MAF: variants seen among roughly 807,000 people sequenced by gnomAD.
MAF encodes MAF bZIP transcription factor.
A neutral mutation model predicts 22.0 loss-of-function variants in MAF; 10 were observed. That is an observed-to-expected ratio of 0.45 (90% CI 0.28 to 0.77). The LOEUF is 0.77. MAF is among the 30% of genes least tolerant of loss of function. The pLI is 0.12. For missense variants in MAF, 544 were observed against 548.4 expected, an observed-to-expected ratio of 0.99 and a Z score of 0.08; for synonymous variants, 337 against 255.8, an observed-to-expected ratio of 1.32 and a Z score of -3.03.
At chr16:79,343,483 T>C in the MAF span, among the ~76,000 whole-genome samples, 1 of 152,192 alleles carries the variant, frequency 6.6e-6, no homozygotes, top group South Asian at 2.1e-4. Flanking sequence ...CACAAAAAAT[T>C]ATACACACCA....
At chr16:79,523,204 T>C in the MAF span, among the ~76,000 whole-genome samples, 2 of 152,198 alleles carry the variant, frequency 1.3e-5, no homozygotes, top group African/African-American at 4.8e-5. Context: ...CAAAGGGGCA[T>C]CTGTTTGACT....
the MAF span, among the ~76,000 whole-genome samples, chr16:79,279,929 T>C: frequency 6.6e-6 from 1 of 152,188 alleles, no homozygotes; most frequent in Non-Finnish European, 1.5e-5. Context: ...ATGTTATAAA[T>C]ACGGGGCTTG....
the MAF span, among the ~76,000 whole-genome samples, chr16:79,391,860 A>G: frequency 1.4e-5 from 2 of 144,800 alleles, no homozygotes; most frequent in Non-Finnish European, 1.5e-5. Flanking sequence ...GAGAGAGAAG[A>G]AGGAGGAGGA....
At chr16:79,587,266 A>C (rs937118340) in intron 1 of MAF, among the ~76,000 whole-genome samples, 2 of 151,316 alleles carry the variant, frequency 1.3e-5, no homozygotes, top group Non-Finnish European at 3.0e-5. Context: ...ATTAGTATAC[A>C]TTTTTTTTTG....
the MAF span, among the ~76,000 whole-genome samples, chr16:79,259,812 C>G: frequency 6.2e-4 from 95 of 152,158 alleles, no homozygotes; most frequent in African/African-American, 2.2e-3. Context: ...GCAGGAATGG[C>G]CCAATGTACC....
chr16:79,561,860 T>A, the MAF span, among the ~76,000 whole-genome samples: 1 of 152,180 alleles, frequency 6.6e-6, no homozygotes, highest in Non-Finnish European at 1.5e-5. Context: ...CAAGAGTAAC[T>A]ATTTGCCTTC....
chr16:79,483,523 A>G, the MAF span, among the ~76,000 whole-genome samples: 1 of 151,590 alleles, frequency 6.6e-6, no homozygotes, highest in African/African-American at 2.4e-5. Context: ...GCTAAGAGGA[A>G]GAGGTGCACG....
chr16:79,378,799 T>G, the MAF span, among the ~76,000 whole-genome samples: 3 of 152,346 alleles, frequency 2.0e-5, no homozygotes, highest in African/African-American at 7.2e-5. Context: ...GCATTTAGAT[T>G]ACTGTTATTG....
At chr16:79,329,499 T>C in the MAF span, among the ~76,000 whole-genome samples, 1 of 152,152 alleles carries the variant, frequency 6.6e-6, no homozygotes, top group Non-Finnish European at 1.5e-5. Flanking sequence ...AATTGTTGCA[T>C]TGTAATCTGC....
the MAF span, among the ~76,000 whole-genome samples, chr16:79,383,450 T>C: frequency 2.6e-4 from 39 of 152,174 alleles, no homozygotes; most frequent in African/African-American, 8.9e-4. Context: ...TATATGATGG[T>C]AAACTTTATA....
the MAF span, among the ~76,000 whole-genome samples, chr16:79,512,889 T>C: frequency 6.6e-6 from 1 of 152,218 alleles, no homozygotes; most frequent in Non-Finnish European, 1.5e-5. Context: ...ACACGTGCTG[T>C]ATACCTGTAT....
chr16:79,565,549 G>T, the MAF span, among the ~76,000 whole-genome samples: 1 of 152,036 alleles, frequency 6.6e-6, no homozygotes, highest in Non-Finnish European at 1.5e-5. Context: ...CATGGGGGTG[G>T]TTACCTCCAT....
the MAF span, among the ~76,000 whole-genome samples, chr16:79,541,806 C>A: frequency 1.3e-5 from 2 of 151,900 alleles, no homozygotes; most frequent in Non-Finnish European, 2.9e-5. Flanking sequence ...AAGGCAGGCA[C>A]CACCACGCCC....
At chr16:79,437,876 C>T in the MAF span, among the ~76,000 whole-genome samples, 34 of 152,034 alleles carry the variant, frequency 2.2e-4, no homozygotes, top group African/African-American at 2.4e-5. Context: ...GGGCCGCATT[C>T]CCCTTTCACC....
chr16:79,223,507 AAGATC>A, the MAF span, among the ~76,000 whole-genome samples: 1 of 152,218 alleles, frequency 6.6e-6, no homozygotes, highest in Non-Finnish European at 1.5e-5. Flanking sequence ...AGAAATAACT[AAGATC>A]AGAGCAGAAC....
chr16:79,406,380 G>T, the MAF span, among the ~76,000 whole-genome samples: 1 of 152,168 alleles, frequency 6.6e-6, no homozygotes, highest in Non-Finnish European at 1.5e-5. Context: ...TATATCAACA[G>T]AAATTTATTT....
the MAF span, among the ~76,000 whole-genome samples, chr16:79,354,779 C>T: frequency 6.6e-6 from 1 of 152,014 alleles, no homozygotes; most frequent in Non-Finnish European, 1.5e-5. Context: ...ATCCTGGAGC[C>T]CAGAACCATG....
chr16:79,417,972 G>C, the MAF span, among the ~76,000 whole-genome samples: 2 of 152,292 alleles, frequency 1.3e-5, no homozygotes, highest in Admixed American at 1.3e-4. Flanking sequence ...ACTGGCCTAT[G>C]TGTGAGTGTT....
the MAF span, among the ~76,000 whole-genome samples, chr16:79,480,993 C>T: frequency 8.5e-5 from 13 of 152,268 alleles, no homozygotes; most frequent in South Asian, 8.3e-4. Context: ...CACGTCCCCT[C>T]GCTCCACTTT....
Sources: allele counts gnomAD v4.1 joint callset (sites outside exome capture counted in the v4.1 genomes callset), GRCh38; gene constraint gnomAD v4.1.1; transcripts MANE v1.5; gene names NCBI Gene and HGNC (gene_info 2026-07-23, HGNC 2026-07-21).